Variants in FPR3 observed in about 807,000 individuals in gnomAD.
The protein encoded by FPR3 is N-formyl peptide receptor 3.
For missense variants in FPR3, 346 were observed against 443.2 expected, an observed-to-expected ratio of 0.78 and a Z score of 1.97; for synonymous variants, 135 against 163.6, an observed-to-expected ratio of 0.83 and a Z score of 1.34.
At chr19:51,810,863 A>G (rs1370526594) in intron 1 of FPR3, among the ~76,000 whole-genome samples, 1 of 152,196 alleles carries the variant, frequency 6.6e-6, no homozygotes, top group Non-Finnish European at 1.5e-5. Flanking sequence ...TGTTGGGATC[A>G]GGCCTTATGG....
At chr19:51,808,885 T>C (rs960435368) in intron 1 of FPR3, among the ~76,000 whole-genome samples, 4 of 152,232 alleles carry the variant, frequency 2.6e-5, no homozygotes, top group African/African-American at 9.6e-5. Flanking sequence ...CTGCTGAAGT[T>C]GCATCAGGTT....
At chr19:51,812,614 A>T (rs1441059738) in intron 1 of FPR3, among the ~76,000 whole-genome samples, 2 of 152,172 alleles carry the variant, frequency 1.3e-5, no homozygotes, top group Admixed American at 1.3e-4. Flanking sequence ...CAGGCTACCT[A>T]GGGGTACCCT....
intron 1 of FPR3, chr19:51,817,837 T>C (rs1350142794): frequency 2.0e-5 from 3 of 152,214 alleles, no homozygotes; most frequent in Non-Finnish European, 4.4e-5. Context: ...CAGCTAGTGG[T>C]AAGTTGGGGT....
At chr19:51,800,944 C>T (rs926499463) in intron 1 of FPR3, among the ~76,000 whole-genome samples, 1 of 152,144 alleles carries the variant, frequency 6.6e-6, no homozygotes, top group Non-Finnish European at 1.5e-5. Flanking sequence ...GAGAGGGACT[C>T]ATTGTCTTGT....
chr19:51,796,210 C>T (rs181206663), intron 1 of FPR3, among the ~76,000 whole-genome samples: 35 of 152,154 alleles, frequency 2.3e-4, no homozygotes, highest in African/African-American at 7.7e-4. Context: ...ACGAAGAGCA[C>T]GGTAGGCAGA....
chr19:51,820,210 A>C (rs1022663803), intron 1 of FPR3, among the ~76,000 whole-genome samples: 1 of 152,240 alleles, frequency 6.6e-6, no homozygotes, highest in African/African-American at 2.4e-5. Flanking sequence ...GGAGAAGCAC[A>C]GATGCTAACA....
chr19:51,822,650 C>T (rs1173054012), intron 1 of FPR3, among the ~76,000 whole-genome samples: 1 of 152,154 alleles, frequency 6.6e-6, no homozygotes, highest in Non-Finnish European at 1.5e-5. Flanking sequence ...AACTACAACC[C>T]ATATGTAGCA....
At chr19:51,804,071 A>C (rs2084042154) in intron 1 of FPR3, 1 of 152,144 alleles carries the variant, frequency 6.6e-6, no homozygotes, top group Non-Finnish European at 1.5e-5. Flanking sequence ...TGAAGGCATA[A>C]TTCTGGCCAA....
chr19:51,814,555 G>A (rs1183821877), intron 1 of FPR3, among the ~76,000 whole-genome samples: 2 of 152,126 alleles, frequency 1.3e-5, no homozygotes, highest in Non-Finnish European at 2.9e-5. Context: ...GTGCAGTGGT[G>A]TGATCTCGGC....
At chr19:51,802,954 C>T (rs2084034005) in intron 1 of FPR3, among the ~76,000 whole-genome samples, 1 of 152,036 alleles carries the variant, frequency 6.6e-6, no homozygotes, top group African/African-American at 2.4e-5. Context: ...TGTCTGAGGG[C>T]AGGAATTGTG....
chr19:51,817,641 C>T (rs954200749), intron 1 of FPR3: 9 of 152,092 alleles, frequency 5.9e-5, no homozygotes, highest in African/African-American at 2.2e-4. Context: ...TAAAATCAAA[C>T]TTCTCTGTTC....
chr19:51,816,395 G>A (rs1263204425), intron 1 of FPR3, among the ~76,000 whole-genome samples: 5 of 152,090 alleles, frequency 3.3e-5, no homozygotes, highest in Non-Finnish European at 7.4e-5. Context: ...TTACTGGCAT[G>A]TGCCACTACA....
chr19:51,802,703 C>T (rs1189308805), intron 1 of FPR3, among the ~76,000 whole-genome samples: 4 of 152,028 alleles, frequency 2.6e-5, no homozygotes, highest in African/African-American at 4.8e-5. Flanking sequence ...TTTGCTGTCA[C>T]CTTTTTGTAT....
rs955358113 is a variant in FPR3 at position 51,819,478 on chromosome 19, C to T, written c.-10-4261C>T. ...AACCAAGAGTGGATTGTGTGTACAT[C>T]TTATCATCTTATGATATGGAAAAAA... On this transcript the variant is annotated intron_variant, in intron 1 of 1. Coordinates refer to ENST00000339223, the MANE Select transcript of FPR3 (RefSeq NM_002030.5). 2.0e-5 allele frequency among the ~76,000 whole-genome samples: 3 copies of T among 147,578 alleles called. No individual in the cohort carries two copies. In the East Asian group the frequency reaches 6.0e-4, roughly 30 times the overall value.
chr19:51,805,642 C>T (rs1409755849), intron 1 of FPR3, among the ~76,000 whole-genome samples: 1 of 152,228 alleles, frequency 6.6e-6, no homozygotes, highest in African/African-American at 2.4e-5. Flanking sequence ...AACATTGCCA[C>T]TTCAGTTTGT....
rs748879160 is a variant in FPR3 at position 51,825,154 on chromosome 19, C to T, written c.*344C>T. 8.5e-6 allele frequency: 2 copies of T among 235,742 alleles called. No individual in the cohort carries two copies. The highest frequency in any genetic ancestry group is 4.6e-5 in the African/African-American group (2 of 43,616). The allele number at this position is 235,742 out of a possible 1,614,324, so 14.6% of individuals were successfully genotyped here. A position where few individuals can be genotyped will look rare whatever the true frequency, so the allele number is the denominator to read the frequency against. On this transcript the variant is annotated 3_prime_UTR_variant, in exon 2 of 2. Coordinates refer to ENST00000339223, the MANE Select transcript of FPR3 (RefSeq NM_002030.5). Reference sequence around the variant, plus strand: ...GCTTCAATCAGGGTTCCCACTACCCCCTCTTTGGGGGTAGAGTGGCTCATG... The same window carrying T: ...GCTTCAATCAGGGTTCCCACTACCCTCTCTTTGGGGGTAGAGTGGCTCATG...
chr19:51,801,390 C>T (rs999843671), intron 1 of FPR3, among the ~76,000 whole-genome samples: 13 of 152,146 alleles, frequency 8.5e-5, no homozygotes, highest in African/African-American at 3.1e-4. Flanking sequence ...AATTCAAAAT[C>T]CATATATTAA....
chr19:51,821,078 G>A (rs1193901240), intron 1 of FPR3, among the ~76,000 whole-genome samples: 1 of 152,188 alleles, frequency 6.6e-6, no homozygotes. Flanking sequence ...AGCCTGGTGA[G>A]GACCAGAAGT....
chr19:51,810,023 A>T (rs1246745286), intron 1 of FPR3, among the ~76,000 whole-genome samples: 2 of 152,104 alleles, frequency 1.3e-5, no homozygotes, highest in Non-Finnish European at 2.9e-5. Flanking sequence ...AAGTCCTGGC[A>T]TTTTTTCCAC....
Sources: gnomAD v4.1 joint callset for allele counts (sites outside exome capture counted in the v4.1 genomes callset) on GRCh38, gnomAD v4.1.1 for gene constraint, MANE v1.5 for transcripts, NCBI Gene and HGNC (gene_info 2026-07-23, HGNC 2026-07-21) for gene names.